Variants in SPIN1 observed in about 807,000 individuals in gnomAD.
SPIN1 encodes spindlin 1.
SPIN1 carries 3 observed loss-of-function variants against 26.0 expected under a neutral mutation model. The ratio of observed to expected loss-of-function variants is 0.12; its 90% CI spans 0.05 to 0.30. The LOEUF (loss-of-function observed/expected upper bound fraction) is 0.30. Ranked by LOEUF, SPIN1 falls within the 10% of genes least tolerant of loss-of-function variation. SPIN1 has a pLI of 1.00. For missense variants in SPIN1, 126 were observed against 333.4 expected (o/e 0.38, Z 4.84); for synonymous variants, 101 against 116.5 (o/e 0.87, Z 0.86).
In SPIN1 at chr9:88,422,011, C is replaced by T. The variant is rs143984650; in HGVS notation, c.-158-4371C>T. On this transcript the variant is annotated intron_variant, in intron 1 of 5. Transcript: ENST00000375859. The stretch of plus-strand genomic sequence containing the variant: ...CAAGGTTGATTCCCTTTTAATGATG[C>T]CAAATTGTTTTATCTTTCAATTCCG... Among the ~76,000 whole-genome samples the T allele has an allele frequency of 3.9e-5, 6 of 152,162 alleles. No individual in the cohort carries two copies. The East Asian group carries it at 9.7e-4, about 24-fold the overall frequency.
At chr9:88,465,141 T>C (rs1243559744) in intron 4 of SPIN1, among the ~76,000 whole-genome samples, 2 of 152,234 alleles carry the variant, frequency 1.3e-5, no homozygotes, top group African/African-American at 4.8e-5. Flanking sequence ...TTTGTTTATC[T>C]GTTCACCCAT....
intron 1 of SPIN1, among the ~76,000 whole-genome samples, chr9:88,412,410 CA>C (rs1162870533): frequency 6.6e-6 from 1 of 151,988 alleles, no homozygotes; most frequent in Non-Finnish European, 1.5e-5. Flanking sequence ...ATTACCAGTC[CA>C]TTGTTCCCAA....
chr9:88,467,750 A>C lies in SPIN1; in HGVS notation c.356-622A>C, dbSNP rs533934534. 2.0e-5 allele frequency among the ~76,000 whole-genome samples: 3 copies of C among 152,148 alleles called. No homozygotes were observed. In the South Asian group the frequency reaches 6.3e-4, roughly 32 times the overall value. ...GTGACACAACGATTACTTTGGTTGC[A>C]GTGAAGAATAAGATTGTAGGAGCAA... On this transcript the variant is annotated intron_variant, in intron 4 of 5. Transcript: ENST00000375859.
At chr9:88,463,308 A>G (rs905163948) in intron 4 of SPIN1, among the ~76,000 whole-genome samples, 8 of 152,222 alleles carry the variant, frequency 5.3e-5, no homozygotes, top group Non-Finnish European at 1.0e-4. Flanking sequence ...TCCTTAAGGC[A>G]TAAGGTCTAA....
intron 3 of SPIN1, 92 bp from the exon 4 acceptor site, chr9:88,462,404 T>G (rs985441635): frequency 6.6e-7 from 1 of 1,512,294 alleles, no homozygotes; most frequent in African/African-American, 1.4e-5. Flanking sequence ...TGGGACCATC[T>G]GTAATGAGAT....
chr9:88,476,641 C>T lies in SPIN1; in HGVS notation c.*1364C>T, dbSNP rs1256557085. 6.6e-6 allele frequency: 1 copy of T among 152,186 alleles called. No individual in the cohort carries two copies. The highest frequency in any genetic ancestry group is 1.5e-5 in the Non-Finnish European group (1 of 68,048). The allele number at this position is 152,186 out of a possible 1,614,324, so 9.4% of individuals were successfully genotyped here. A position where few individuals can be genotyped will look rare whatever the true frequency, so the allele number is the denominator to read the frequency against. ...TGTAAGTAATAGCAGCCCTTAGCCA[C>T]GGAGTCTTTATGTGGTTTATTCCTG... On this transcript the variant is annotated 3_prime_UTR_variant, in exon 6 of 6. Transcript: ENST00000375859.
intron 1 of SPIN1, among the ~76,000 whole-genome samples, chr9:88,421,438 T>G (rs1035209501): frequency 2.6e-5 from 4 of 152,044 alleles, no homozygotes; most frequent in African/African-American, 7.2e-5. Context: ...GAGTAGCTGG[T>G]AGCTGGTACT....
At chr9:88,456,295 A>G (rs1455744992) in intron 3 of SPIN1, among the ~76,000 whole-genome samples, 2 of 152,208 alleles carry the variant, frequency 1.3e-5, no homozygotes, top group East Asian at 3.9e-4. Context: ...TACTGTTAAT[A>G]TAAAAAGGTC....
intron 5 of SPIN1, among the ~76,000 whole-genome samples, chr9:88,473,852 A>G (rs1334014016): frequency 6.6e-6 from 1 of 152,200 alleles, no homozygotes; most frequent in African/African-American, 2.4e-5. Context: ...ACGTGCCACA[A>G]AAATATGGCA....
At chr9:88,441,414 T>TGTGTGTGTGTGTGCGCGCGC in intron 2 of SPIN1, among the ~76,000 whole-genome samples, 10 of 141,204 alleles carry the variant, frequency 7.1e-5, no homozygotes, top group African/African-American at 2.9e-4. Context: ...TGTGTGTGTG[T>TGTGTGTGTGTGTGCGCGCGC]GCGCGCGCGC....
intron 1 of SPIN1, among the ~76,000 whole-genome samples, chr9:88,424,448 C>T (rs1827727971): frequency 6.6e-6 from 1 of 151,952 alleles, no homozygotes; most frequent in Non-Finnish European, 1.5e-5. Context: ...TGCCATACAA[C>T]AGTGACAAGA....
intron 1 of SPIN1, among the ~76,000 whole-genome samples, chr9:88,414,823 A>G (rs1021855731): frequency 6.6e-6 from 1 of 152,238 alleles, no homozygotes; most frequent in African/African-American, 2.4e-5. Context: ...GTCCAAATCC[A>G]TGGTCCTTAT....
At position 88,420,306 on chromosome 9, in the gene SPIN1, C is replaced by T. The variant is rs1267629478; in HGVS notation, c.-158-6076C>T. On this transcript the variant is annotated intron_variant, in intron 1 of 5. Transcript: ENST00000375859. ...AGGAGAATAACTTGAACCTGGGAGG[C>T]GGAGGTTGCAGTGAGCCGAGATTGC... Among the ~76,000 whole-genome samples, 5 of 152,172 alleles carry T rather than the reference C, an allele frequency of 3.3e-5. No homozygotes were observed. In the East Asian group the frequency reaches 5.8e-4, roughly 18 times the overall value.
intron 1 of SPIN1, among the ~76,000 whole-genome samples, chr9:88,394,285 CA>C (rs895351181): frequency 1.3e-5 from 2 of 152,170 alleles, no homozygotes; most frequent in Non-Finnish European, 2.9e-5. Flanking sequence ...CTTTCTGACA[CA>C]AGATGTCTAA....
intron 1 of SPIN1, among the ~76,000 whole-genome samples, chr9:88,420,095 G>C (rs533892842): frequency 6.6e-6 from 1 of 152,306 alleles, no homozygotes; most frequent in Admixed American, 6.5e-5. Context: ...TTTTATTCAG[G>C]CCAGGCGCGG....
chr9:88,396,782 G>T (rs1308799569), intron 1 of SPIN1, among the ~76,000 whole-genome samples: 1 of 152,024 alleles, frequency 6.6e-6, no homozygotes, highest in African/African-American at 2.4e-5. Context: ...AAACCTATAT[G>T]GGACAACCTA....
At chr9:88,414,542 A>AT in intron 1 of SPIN1, among the ~76,000 whole-genome samples, 1 of 152,318 alleles carries the variant, frequency 6.6e-6, no homozygotes, top group East Asian at 1.9e-4. Flanking sequence ...TAGTGATATC[A>AT]CGTGGCTGAC....
chr9:88,465,899 T>C (rs996674803), intron 4 of SPIN1, among the ~76,000 whole-genome samples: 1 of 152,186 alleles, frequency 6.6e-6, no homozygotes, highest in Admixed American at 6.5e-5. Context: ...TCATAACAGA[T>C]TGAGTGCTAA....
intron 1 of SPIN1, among the ~76,000 whole-genome samples, chr9:88,392,618 T>TC: frequency 6.6e-6 from 1 of 152,006 alleles, no homozygotes; most frequent in East Asian, 1.9e-4. Flanking sequence ...CTTCCTTCCT[T>TC]CTTTCCTTCC....
Sources: allele counts gnomAD v4.1 joint callset (sites outside exome capture counted in the v4.1 genomes callset), GRCh38; gene constraint gnomAD v4.1.1; transcripts MANE v1.5; gene names NCBI Gene and HGNC (gene_info 2026-07-23, HGNC 2026-07-21).